The following ARHGEF7 variants were observed in gnomAD, a reference collection of about 807,000 sequenced individuals.
ARHGEF7 encodes the protein PAK-interacting exchange factor beta.
Under a neutral mutation model 109.8 loss-of-function variants are expected in ARHGEF7, and 33 were observed. That is an observed-to-expected ratio of 0.30 (90% CI 0.23 to 0.40). The LOEUF is 0.40. ARHGEF7 is among the 10% of genes least tolerant of loss of function. The pLI, the probability that ARHGEF7 is intolerant of heterozygous loss-of-function variation, is 1.00. For synonymous variants in ARHGEF7, 458 were observed against 424.6 expected, an observed-to-expected ratio of 1.08 and a Z score of -0.97; for missense variants, 938 against 1,098.5, an observed-to-expected ratio of 0.85 and a Z score of 2.07.
intron 1 of ARHGEF7, among the ~76,000 whole-genome samples, chr13:111,149,102 T>C (rs181804235): frequency 1.3e-5 from 2 of 152,100 alleles, no homozygotes; most frequent in Admixed American, 6.5e-5. Context: ...AAAAGCCCTA[T>C]ACATTTCATT....
chr13:111,281,493 G>A (rs554674356), intron 15 of ARHGEF7, among the ~76,000 whole-genome samples: 1 of 152,194 alleles, frequency 6.6e-6, no homozygotes, highest in Non-Finnish European at 1.5e-5. Flanking sequence ...AAGGATTGCT[G>A]TACTCTGATA....
chr13:111,157,070 ATAT>A lies in ARHGEF7; in HGVS notation c.252+3083_252+3085del, dbSNP rs1300720598. On this transcript the variant is annotated intron_variant, in intron 2 of 21. Coordinates refer to ENST00000646102, the MANE Select transcript of ARHGEF7 (RefSeq NM_001354046.2). ...TCCTTAATTACCTGTAGAAAATCAG[ATAT>A]TATCCCCCAATTGTTTTGATTATGA... is the stretch of plus-strand genomic sequence containing the variant. Among the ~76,000 whole-genome samples, 4 of 152,308 alleles carry A rather than the reference ATAT, an allele frequency of 2.6e-5. No individual in the cohort carries two copies. In the East Asian group the frequency reaches 5.8e-4, roughly 22 times the overall value.
At chr13:111,203,182 C>A in intron 2 of ARHGEF7, 1 of 1,066,480 alleles carries the variant, frequency 9.4e-7, no homozygotes, top group Non-Finnish European at 1.2e-6. Flanking sequence ...TAAAAAATGA[C>A]TTGAATTTTC....
At chr13:111,149,748 C>T (rs1245894094) in intron 1 of ARHGEF7, among the ~76,000 whole-genome samples, 1 of 152,196 alleles carries the variant, frequency 6.6e-6, no homozygotes, top group Non-Finnish European at 1.5e-5. Flanking sequence ...TAAGTACACA[C>T]ATGCACACAA....
At chr13:111,190,501 A>G (rs1262836993) in intron 2 of ARHGEF7, among the ~76,000 whole-genome samples, 3 of 151,712 alleles carry the variant, frequency 2.0e-5, no homozygotes, top group African/African-American at 7.3e-5. Context: ...TCTATTTGGG[A>G]TTGTAGAGTA....
chr13:111,214,300 C>T (rs922296451), intron 4 of ARHGEF7, among the ~76,000 whole-genome samples: 1 of 152,254 alleles, frequency 6.6e-6, no homozygotes, highest in African/African-American at 2.4e-5. Flanking sequence ...CCTGCCCTGG[C>T]CTCAGCCCTG....
chr13:111,222,585 A>G (rs1244984637), intron 5 of ARHGEF7, among the ~76,000 whole-genome samples: 1 of 152,108 alleles, frequency 6.6e-6, no homozygotes, highest in Non-Finnish European at 1.5e-5. Flanking sequence ...ACGTGCCACC[A>G]TGCCTGGCTA....
intron 1 of ARHGEF7, among the ~76,000 whole-genome samples, chr13:111,136,637 A>C (rs559883791): frequency 2.4e-4 from 36 of 152,388 alleles, no homozygotes; most frequent in African/African-American, 8.4e-4. Flanking sequence ...CCACAAGAGA[A>C]AGCAGGAAAG....
chr13:111,265,443 A>T, intron 8 of ARHGEF7: 1 of 384,586 alleles, frequency 2.6e-6, no homozygotes, highest in South Asian at 1.9e-5. Flanking sequence ...TTTTCCTAAT[A>T]CTTGTGACTT....
At chr13:111,279,391 G>C (rs1413325080) in intron 13 of ARHGEF7, among the ~76,000 whole-genome samples, 2 of 152,118 alleles carry the variant, frequency 1.3e-5, no homozygotes, top group African/African-American at 4.8e-5. Context: ...GCCCTTACTT[G>C]CTGGAGGTCT....
chr13:111,159,845 C>A (rs952634291), intron 2 of ARHGEF7, among the ~76,000 whole-genome samples: 13 of 152,170 alleles, frequency 8.5e-5, no homozygotes, highest in Non-Finnish European at 1.5e-5. Context: ...TGTGCATAAT[C>A]TTTTCAGTTT....
chr13:111,271,491 C>G (rs1225048616), intron 9 of ARHGEF7, among the ~76,000 whole-genome samples: 2 of 152,226 alleles, frequency 1.3e-5, no homozygotes, highest in Admixed American at 6.5e-5. Flanking sequence ...TTACCCACAG[C>G]AGGCCCCTGA....
At chr13:111,262,445 G>GT (rs2091207326) in intron 8 of ARHGEF7, among the ~76,000 whole-genome samples, 1 of 152,110 alleles carries the variant, frequency 6.6e-6, no homozygotes, top group African/African-American at 2.4e-5. Context: ...TCCACCCTGA[G>GT]TGGGAGCAGG....
chr13:111,187,284 G>T (rs766203074), intron 2 of ARHGEF7, among the ~76,000 whole-genome samples: 1 of 152,188 alleles, frequency 6.6e-6, no homozygotes, highest in Non-Finnish European at 1.5e-5. Context: ...ATTGGTTCAC[G>T]TGGTGGGCTC....
At chr13:111,222,963 T>A (rs2084667971) in intron 5 of ARHGEF7, among the ~76,000 whole-genome samples, 1 of 152,258 alleles carries the variant, frequency 6.6e-6, no homozygotes. Flanking sequence ...CACATTCACA[T>A]AACTTTAGTT....
intron 1 of ARHGEF7, among the ~76,000 whole-genome samples, chr13:111,133,027 C>T (rs1053904425): frequency 6.6e-6 from 1 of 151,974 alleles, no homozygotes; most frequent in African/African-American, 2.4e-5. Context: ...TACACATGCA[C>T]AGATATACAC....
rs531935529 is a variant in ARHGEF7 at position 111,141,296 on chromosome 13, C to T, written c.166-12609C>T. Among the ~76,000 whole-genome samples, 37 of 152,104 alleles carry T rather than the reference C, an allele frequency of 2.4e-4. No homozygotes were observed. In the South Asian group the frequency reaches 2.7e-3, roughly 11 times the overall value. Reference sequence around the variant, plus strand: ...CACTGCCCTGAAGTCCCCTTTACTCCGCCTAGTCATCCCTCCCTCAACTCA... The same window carrying T: ...CACTGCCCTGAAGTCCCCTTTACTCTGCCTAGTCATCCCTCCCTCAACTCA... On this transcript the variant is annotated intron_variant, in intron 1 of 21. Coordinates refer to ENST00000646102, the MANE Select transcript of ARHGEF7 (RefSeq NM_001354046.2).
chr13:111,302,005 C>CTT (rs368459031), intron 21 of ARHGEF7, among the ~76,000 whole-genome samples: 1,791 of 150,462 alleles, frequency 0.012, 22 homozygotes, highest in Middle Eastern at 0.034. Context: ...TGTTTAAACT[C>CTT]TTTTTTTTTT....
At chr13:111,212,313 A>G (rs944056579) in intron 4 of ARHGEF7, among the ~76,000 whole-genome samples, 1 of 151,624 alleles carries the variant, frequency 6.6e-6, no homozygotes, top group East Asian at 1.9e-4. Context: ...AACTAAATCG[A>G]GCTCTTTATC....
Sources: allele counts gnomAD v4.1 joint callset (sites outside exome capture counted in the v4.1 genomes callset), GRCh38; gene constraint gnomAD v4.1.1; transcripts MANE v1.5; gene names NCBI Gene and HGNC (gene_info 2026-07-23, HGNC 2026-07-21).